PARD3B: variants seen among roughly 807,000 people sequenced by gnomAD.
PARD3B encodes partitioning defective 3 homolog B.
PARD3B carries 103 observed loss-of-function variants against 130.2 expected under a neutral mutation model. The observed-to-expected ratio is 0.79, with a 90% CI of 0.67 to 0.93. The LOEUF (loss-of-function observed/expected upper bound fraction) is 0.93, where lower values mean the gene tolerates loss of function less well. PARD3B is among the 40% of genes least tolerant of loss of function. The probability of loss-of-function intolerance (pLI) is 0.00; values close to 1 mark genes in which losing one functional copy is unlikely to be tolerated. For synonymous variants in PARD3B, 583 were observed against 553.2 expected, an observed-to-expected ratio of 1.05 and a Z score of -0.76; for missense variants, 1,609 against 1,499.2, an observed-to-expected ratio of 1.07 and a Z score of -1.21.
chr2:205,606,456 A>G (rs1039977903), intron 22 of PARD3B, among the ~76,000 whole-genome samples: 4 of 151,850 alleles, frequency 2.6e-5, no homozygotes, highest in African/African-American at 9.7e-5. Context: ...AGTCCCAATG[A>G]AAGAACCTGG....
At position 205,288,684 on chromosome 2, in the gene PARD3B, TC is replaced by T. The variant is rs1398663880; in HGVS notation, c.2186-11843del. Among the ~76,000 whole-genome samples, 1 of 152,148 alleles carries T rather than the reference TC, an allele frequency of 6.6e-6. No individual in the cohort carries two copies. The highest frequency in any genetic ancestry group is 1.9e-4 in the East Asian group (1 of 5,192). On this transcript the variant is annotated intron_variant, in intron 16 of 22. Transcript: ENST00000406610. This position sits in a 1 kb window ranked among gnomAD's most constrained non-coding sequence, Gnocchi z 4.0. ...TTTTTTGTTACTAGTCACTCCATCCTCCCGGTGTCCCCACCCCCCAGGAGAC... is the reference window on the plus strand; with the variant it reads ...TTTTTTGTTACTAGTCACTCCATCCTCCGGTGTCCCCACCCCCCAGGAGAC...
At chr2:205,302,637 T>TGAAGCAGGGGAGTCAGGGTA (rs1166080079) in intron 18 of PARD3B, among the ~76,000 whole-genome samples, 1 of 152,172 alleles carries the variant, frequency 6.6e-6, no homozygotes, top group Non-Finnish European at 1.5e-5. Flanking sequence ...ATACCTCTTT[T>TGAAGCAGGGGAGTCAGGGTA]GAAGCAGGGG....
chr2:204,997,474 A>T (rs189911203), intron 3 of PARD3B, among the ~76,000 whole-genome samples: 264 of 152,276 alleles, frequency 1.7e-3, no homozygotes, highest in Non-Finnish European at 1.6e-3. Context: ...ATTTGGATCT[A>T]TTCCTAAGTA....
At chr2:204,619,615 C>T (rs149545873) in intron 1 of PARD3B, among the ~76,000 whole-genome samples, 4 of 152,108 alleles carry the variant, frequency 2.6e-5, no homozygotes, top group South Asian at 2.1e-4. Context: ...GCTTTATTGC[C>T]GCATTAACTG....
At chr2:205,378,004 C>T (rs2045136472) in intron 18 of PARD3B, among the ~76,000 whole-genome samples, 1 of 152,208 alleles carries the variant, frequency 6.6e-6, no homozygotes, top group Admixed American at 6.5e-5. Context: ...CTCCTGACCT[C>T]AGGTGATCCA....
At chr2:205,535,706 C>T (rs1463931853) in intron 21 of PARD3B, among the ~76,000 whole-genome samples, 1 of 152,188 alleles carries the variant, frequency 6.6e-6, no homozygotes, top group African/African-American at 2.4e-5. Context: ...CATTCTGCCA[C>T]CTTTATAATT....
At chr2:204,976,697 C>T (rs1468527818) in intron 3 of PARD3B, among the ~76,000 whole-genome samples, 1 of 150,128 alleles carries the variant, frequency 6.7e-6, no homozygotes, top group Non-Finnish European at 1.5e-5. Flanking sequence ...AACCTCCACC[C>T]CTGGACTCTA....
At chr2:205,462,886 C>T (rs12694025) in intron 20 of PARD3B, among the ~76,000 whole-genome samples, 1,798 of 152,296 alleles carry the variant, frequency 0.012, 14 homozygotes, top group African/African-American at 0.025. Context: ...ACGTGACTCA[C>T]GCAGTGGCTC....
intron 1 of PARD3B, among the ~76,000 whole-genome samples, chr2:204,654,499 T>A (rs2035582339): frequency 6.9e-6 from 1 of 145,130 alleles, no homozygotes; most frequent in Non-Finnish European, 1.5e-5. Flanking sequence ...GATGTTGGGT[T>A]TTTCTGCCAT....
intron 2 of PARD3B, among the ~76,000 whole-genome samples, chr2:204,917,275 C>A (rs577380196): frequency 9.9e-5 from 15 of 152,220 alleles, no homozygotes; most frequent in Admixed American, 3.9e-4. Context: ...ATGGAAGGAT[C>A]TGTAGCTGAG....
intron 2 of PARD3B, among the ~76,000 whole-genome samples, chr2:204,767,031 G>T (rs2041195732): frequency 1.9e-5 from 2 of 103,718 alleles, no homozygotes; most frequent in African/African-American, 3.4e-5. Flanking sequence ...TAAGTTTTAG[G>T]GTACATGTGC....
At chr2:204,619,480 C>T (rs910650276) in intron 1 of PARD3B, among the ~76,000 whole-genome samples, 1 of 152,108 alleles carries the variant, frequency 6.6e-6, no homozygotes, top group Non-Finnish European at 1.5e-5. Flanking sequence ...ATATGCTTCA[C>T]AGCAGCGTGA....
rs1227164760 is a variant in PARD3B at position 205,564,404 on chromosome 2, C to T, written c.3260+11001C>T. ...GAACTCCTCTTAGCAAATTCAAACA[C>T]CCACTTCCTTCCAGCCAAAATATTT... On this transcript the variant is annotated intron_variant, in intron 22 of 22. Coordinates refer to ENST00000406610, the MANE Select transcript of PARD3B (RefSeq NM_001302769.2). The surrounding 1 kb of genome is among the most constrained non-coding windows in gnomAD (Gnocchi z 4.6). 6.6e-6 allele frequency among the ~76,000 whole-genome samples: 1 copy of T among 152,180 alleles called. No individual in the cohort carries two copies. Among genetic ancestry groups the T allele is most frequent in the Non-Finnish European group, 1.5e-5 (1 of 68,032 alleles).
chr2:205,024,763 A>G (rs1222704439), intron 3 of PARD3B, among the ~76,000 whole-genome samples: 45 of 152,372 alleles, frequency 3.0e-4, no homozygotes, highest in Non-Finnish European at 2.9e-5. Context: ...ATCTTAAACA[A>G]AAGAAATAAG....
rs753158599 is a variant in PARD3B at position 204,686,284 on chromosome 2, T to G, written c.222+2T>G. 3.1e-6 allele frequency: 5 copies of G among 1,595,602 alleles called. No individual in the cohort carries two copies. In the South Asian group the frequency reaches 5.5e-5, roughly 18 times the overall value. ...GATGTTGTTGAAGATAAAGACAAGG[T>G]AGATAACTCTAAAAATGTGCCTCTT... On this transcript the variant is annotated splice_donor_variant, in intron 2 of 22. Coordinates refer to ENST00000406610, the MANE Select transcript of PARD3B (RefSeq NM_001302769.2). LOFTEE classifies it high-confidence loss of function.
intron 4 of PARD3B, among the ~76,000 whole-genome samples, chr2:205,089,153 T>C (rs532932824): frequency 6.7e-6 from 1 of 149,972 alleles, no homozygotes; most frequent in African/African-American, 2.5e-5. Context: ...TTTCTTTTTT[T>C]TTTTTCTTTT....
At chr2:204,784,094 G>A (rs1405654930) in intron 2 of PARD3B, among the ~76,000 whole-genome samples, 4 of 152,132 alleles carry the variant, frequency 2.6e-5, no homozygotes, top group Non-Finnish European at 5.9e-5. Context: ...AGAACACATA[G>A]AAAGGGCTTA....
intron 22 of PARD3B, among the ~76,000 whole-genome samples, chr2:205,582,790 C>T (rs903966295): frequency 4.6e-5 from 7 of 151,404 alleles, no homozygotes; most frequent in African/African-American, 1.7e-4. Context: ...ATTAGTGACA[C>T]TTATAGGGAA....
chr2:205,455,821 C>A (rs982443088), intron 20 of PARD3B, among the ~76,000 whole-genome samples: 2 of 152,058 alleles, frequency 1.3e-5, no homozygotes, highest in Admixed American at 6.6e-5. Context: ...TGGTACAATG[C>A]ATGTGCATAG....
Sources: allele counts gnomAD v4.1 joint callset (sites outside exome capture counted in the v4.1 genomes callset), GRCh38; gene constraint gnomAD v4.1.1; non-coding constraint Gnocchi (gnomAD v3.1); transcripts MANE v1.5; gene names NCBI Gene and HGNC (gene_info 2026-07-23, HGNC 2026-07-21).